Variants in PAX2 observed in about 807,000 individuals in gnomAD.
The protein encoded by PAX2 is paired box 2.
PAX2 carries 9 observed loss-of-function variants against 41.7 expected under a neutral mutation model. That is an observed-to-expected ratio of 0.22 (90% CI 0.13 to 0.38). The LOEUF is 0.38. PAX2 is among the 10% of genes least tolerant of loss of function. The probability of loss-of-function intolerance (pLI) is 1.00; values close to 1 mark genes in which losing one functional copy is unlikely to be tolerated. For synonymous variants in PAX2, 221 were observed against 212.7 expected (o/e 1.04, Z -0.34); for missense variants, 418 against 531.6 (o/e 0.79, Z 2.10).
Position 100,824,850 on chromosome 10 carries a change from A to C in PAX2, c.1021+101A>C. On this transcript the variant is annotated intron_variant, in intron 8 of 9. Transcript: ENST00000355243. This position sits in a 1 kb window ranked among gnomAD's most constrained non-coding sequence, Gnocchi z 6.6. ...GTCTGAGGCTGGGGTGGGGGGAGACACAACGTCCCCTCCCTGCAAACCACT... is the reference window on the plus strand; with the variant it reads ...GTCTGAGGCTGGGGTGGGGGGAGACCCAACGTCCCCTCCCTGCAAACCACT... 6.5e-7 allele frequency: 1 copy of C among 1,537,738 alleles called. No individual in the cohort carries two copies. The highest frequency in any genetic ancestry group is 1.1e-5 in the South Asian group (1 of 89,686).
intron 5 of PAX2, among the ~76,000 whole-genome samples, chr10:100,801,178 C>T (rs1847550575): frequency 6.6e-6 from 1 of 152,170 alleles, no homozygotes; most frequent in Non-Finnish European, 1.5e-5. Flanking sequence ...CAAATGTCCC[C>T]TTGAGCCAGT....
rs1232962166 is a variant in PAX2 at position 100,824,936 on chromosome 10, C to CAAGCCGGGGA, written c.1021+188_1021+197dup. The CAAGCCGGGGA allele has an allele frequency of 6.2e-7, 1 of 1,614,010 alleles. No homozygotes were observed. The highest frequency in any genetic ancestry group is 1.3e-5 in the African/African-American group (1 of 74,912). On this transcript the variant is annotated intron_variant, in intron 8 of 9. Transcript: ENST00000355243. The surrounding 1 kb of genome is among the most constrained non-coding windows in gnomAD (Gnocchi z 6.6). ...TTGGTCCCTCATCCTCCCTCATGAG[C>CAAGCCGGGGA]AAGCCGGGGAGGAAGCTTGCAGAAG...
At chr10:100,757,811 G>C (rs1209028998) in intron 3 of PAX2, among the ~76,000 whole-genome samples, 1 of 151,426 alleles carries the variant, frequency 6.6e-6, no homozygotes, top group Non-Finnish European at 1.5e-5. Context: ...GGCAGAGGCA[G>C]CCTCAGGTCT....
chr10:100,828,163 G>T lies in PAX2; in HGVS notation c.*544G>T. ...AGGAAGAGCCCGCTGCCGAATCCCT[G>T]GGAAAAATTCTTTTCCCCCAGTGCC... is the stretch of plus-strand genomic sequence containing the variant. On this transcript the variant is annotated 3_prime_UTR_variant, in exon 10 of 10. Coordinates refer to ENST00000355243, the MANE Select transcript of PAX2 (RefSeq NM_000278.5). The surrounding 1 kb of genome is among the most constrained non-coding windows in gnomAD (Gnocchi z 6.5). 4.3e-6 allele frequency: 1 copy of T among 232,678 alleles called. No individual in the cohort carries two copies. The highest frequency in any genetic ancestry group is 8.5e-6 in the Non-Finnish European group (1 of 117,906). The allele number at this position is 232,678 out of a possible 1,614,324, so 14.4% of individuals were successfully genotyped here.
rs892333734 is a variant in PAX2, at chr10:100,828,386, C to T, written c.*767C>T. On this transcript the variant is annotated 3_prime_UTR_variant, in exon 10 of 10. Coordinates refer to ENST00000355243, the MANE Select transcript of PAX2 (RefSeq NM_000278.5). The surrounding 1 kb of genome is among the most constrained non-coding windows in gnomAD (Gnocchi z 6.5). Reference sequence around the variant, plus strand: ...CTGCTCCTCCTGGCCTGCCTAGTTCCCCAGGGCCCGGCACCTCCTGCTGCG... The same window carrying T: ...CTGCTCCTCCTGGCCTGCCTAGTTCTCCAGGGCCCGGCACCTCCTGCTGCG... 4.3e-6 allele frequency: 1 copy of T among 233,618 alleles called. No individual in the cohort carries two copies. The highest frequency in any genetic ancestry group is 2.2e-5 in the African/African-American group (1 of 45,310). 14.5% of individuals were successfully genotyped at this position (233,618 alleles called of 1,614,324 possible).
At chr10:100,802,947 T>TCTTCCTC (rs1847617931) in intron 5 of PAX2, among the ~76,000 whole-genome samples, 3 of 152,082 alleles carry the variant, frequency 2.0e-5, no homozygotes, top group Non-Finnish European at 2.9e-5. Context: ...GTGGTCTCTT[T>TCTTCCTC]CTTCCTCCTT....
intron 1 of PAX2, among the ~76,000 whole-genome samples, chr10:100,736,983 A>C (rs4403743): frequency 0.8 from 121,544 of 152,148 alleles, 48,785 homozygotes; most frequent in East Asian, 1. Flanking sequence ...AACGTCTGGG[A>C]CTTCCTGAGA....
chr10:100,749,252 G>A, intron 1 of PAX2: 1 of 992,962 alleles, frequency 1.0e-6, no homozygotes, highest in South Asian at 4.7e-5. Flanking sequence ...TGTGCTAGGA[G>A]CTCGGATAAA....
At chr10:100,740,169 C>A (rs1844903006) in intron 1 of PAX2, among the ~76,000 whole-genome samples, 1 of 152,210 alleles carries the variant, frequency 6.6e-6, no homozygotes, top group Admixed American at 6.5e-5. Context: ...ATTTCCTTCC[C>A]TAGGTCTCCG....
At chr10:100,807,343 C>T (rs1325510339) in intron 6 of PAX2, among the ~76,000 whole-genome samples, 2 of 152,044 alleles carry the variant, frequency 1.3e-5, no homozygotes, top group African/African-American at 2.4e-5. Context: ...CCACCTGCTC[C>T]CCCACCCACA....
intron 7 of PAX2, among the ~76,000 whole-genome samples, chr10:100,820,492 G>A (rs1370257394): frequency 5.3e-5 from 8 of 152,204 alleles, no homozygotes; most frequent in Non-Finnish European, 1.5e-5. Flanking sequence ...GCCAAGGCAG[G>A]CAGATCACTT....
intron 7 of PAX2, 142 bp downstream of exon 7, chr10:100,809,378 C>G: frequency 1.2e-6 from 1 of 837,222 alleles, no homozygotes. Flanking sequence ...CAGGGTGCTT[C>G]CTGAACAGGG....
intron 6 of PAX2, among the ~76,000 whole-genome samples, chr10:100,806,981 G>A (rs2133951350): frequency 6.6e-6 from 1 of 152,132 alleles, no homozygotes; most frequent in East Asian, 1.9e-4. Context: ...CTCTTGCTGT[G>A]TCCCTTGCCC....
intron 3 of PAX2, among the ~76,000 whole-genome samples, chr10:100,768,099 G>A (rs1212229800): frequency 6.6e-6 from 1 of 150,506 alleles, no homozygotes; most frequent in Non-Finnish European, 1.5e-5. Context: ...AAACACGATT[G>A]TGATGTGAAA....
At chr10:100,753,451 T>G (rs1845516986) in intron 3 of PAX2, among the ~76,000 whole-genome samples, 1 of 152,250 alleles carries the variant, frequency 6.6e-6, no homozygotes, top group Non-Finnish European at 1.5e-5. Flanking sequence ...GTGCTGGTTA[T>G]ATCAGAAACT....
intron 5 of PAX2, among the ~76,000 whole-genome samples, chr10:100,785,080 T>G (rs1266392514): frequency 1.3e-5 from 2 of 152,192 alleles, no homozygotes; most frequent in African/African-American, 4.8e-5. Context: ...ACTTCTTAGC[T>G]GTAATTATGG....
intron 5 of PAX2, among the ~76,000 whole-genome samples, chr10:100,798,104 C>CT (rs11314855): frequency 0.037 from 3,190 of 86,474 alleles, 211 homozygotes; most frequent in African/African-American, 0.11. Flanking sequence ...ATGTCCACCT[C>CT]TTTTTTTTTT....
At chr10:100,749,314 G>A in intron 1 of PAX2, 1 of 1,003,928 alleles carries the variant, frequency 1.0e-6, no homozygotes, top group South Asian at 4.6e-5. Flanking sequence ...AGCCCCGCAC[G>A]CGCGGACAGC....
intron 7 of PAX2, among the ~76,000 whole-genome samples, chr10:100,814,435 C>G (rs1482934505): frequency 6.6e-6 from 1 of 151,642 alleles, no homozygotes; most frequent in South Asian, 2.1e-4. Context: ...TCCCTTCCCA[C>G]CACTGCTCAC....
Sources: gnomAD v4.1 joint callset for allele counts (sites outside exome capture counted in the v4.1 genomes callset) on GRCh38, gnomAD v4.1.1 for gene constraint, Gnocchi (gnomAD v3.1) non-coding constraint, MANE v1.5 for transcripts, NCBI Gene and HGNC (gene_info 2026-07-23, HGNC 2026-07-21) for gene names.